Variants in KCNN2 observed in about 807,000 individuals in gnomAD.
KCNN2 encodes potassium calcium-activated channel subfamily N member 2.
Under a neutral mutation model 55.5 loss-of-function variants are expected in KCNN2, and 24 were observed. The ratio of observed to expected loss-of-function variants is 0.43; its 90% CI spans 0.31 to 0.61. The LOEUF is 0.61. Among genes scored for constraint, KCNN2 ranks in the 20% least tolerant of loss-of-function variants. The pLI is 0.08. For missense variants in KCNN2, 754 were observed against 853.6 expected, an observed-to-expected ratio of 0.88 and a Z score of 1.45; for synonymous variants, 431 against 336.1, an observed-to-expected ratio of 1.28 and a Z score of -3.09.
intron 2 of KCNN2, among the ~76,000 whole-genome samples, chr5:114,225,730 G>T (rs555135668): frequency 1.2e-3 from 187 of 152,208 alleles, no homozygotes; most frequent in African/African-American, 4.3e-3. Flanking sequence ...ACCAAAAAGA[G>T]ATTCTAAAAG....
intron 1 of KCNN2, among the ~76,000 whole-genome samples, chr5:114,111,099 CA>C (rs1030255534): frequency 2.0e-5 from 3 of 152,070 alleles, no homozygotes; most frequent in African/African-American, 4.8e-5. Flanking sequence ...GCTCTAGTAA[CA>C]AAAACAGCAT....
chr5:114,221,960 C>G (rs1428615590), intron 2 of KCNN2, among the ~76,000 whole-genome samples: 3 of 152,088 alleles, frequency 2.0e-5, no homozygotes, highest in African/African-American at 7.2e-5. Context: ...ACCCTGTTTT[C>G]TCATTGAAAC....
chr5:114,430,207 C>T (rs576932264), intron 3 of KCNN2, among the ~76,000 whole-genome samples: 1 of 152,058 alleles, frequency 6.6e-6, no homozygotes, highest in Non-Finnish European at 1.5e-5. Flanking sequence ...ATCTTTAGAT[C>T]AAGTTAGAAG....
intron 4 of KCNN2, among the ~76,000 whole-genome samples, chr5:114,465,535 G>A (rs943157593): frequency 2.0e-5 from 3 of 151,764 alleles, no homozygotes; most frequent in Non-Finnish European, 2.9e-5. Flanking sequence ...TCTCTTGAAC[G>A]TGGGAGGCGG....
chr5:114,078,634 C>T (rs1490678755), intron 1 of KCNN2, among the ~76,000 whole-genome samples: 2 of 152,172 alleles, frequency 1.3e-5, no homozygotes, highest in African/African-American at 4.8e-5. Flanking sequence ...TGAGTTGTTA[C>T]AGCTGCTAAA....
intron 1 of KCNN2, among the ~76,000 whole-genome samples, chr5:114,167,239 C>A (rs4582265): frequency 6.6e-6 from 1 of 151,730 alleles, no homozygotes; most frequent in Admixed American, 6.6e-5. Context: ...ATAAGCCATC[C>A]CTGGTGTGCC....
chr5:114,422,286 A>G (rs575658141), intron 3 of KCNN2, among the ~76,000 whole-genome samples: 1 of 152,254 alleles, frequency 6.6e-6, no homozygotes, highest in South Asian at 2.1e-4. Context: ...GGTCTTTCAT[A>G]GATGATTGGG....
intron 2 of KCNN2, among the ~76,000 whole-genome samples, chr5:114,222,653 C>T (rs907221144): frequency 3.3e-5 from 5 of 151,994 alleles, no homozygotes; most frequent in Admixed American, 6.6e-5. Context: ...ACAATTTCAG[C>T]GCAGGGAATC....
intron 2 of KCNN2, among the ~76,000 whole-genome samples, chr5:114,342,918 T>G (rs1757041722): frequency 6.6e-6 from 1 of 152,192 alleles, no homozygotes; most frequent in Admixed American, 6.5e-5. Context: ...GGTAAACGCA[T>G]GCCATGGTGG....
At chr5:114,270,635 T>C (rs1005253891) in intron 2 of KCNN2, among the ~76,000 whole-genome samples, 1 of 152,154 alleles carries the variant, frequency 6.6e-6, no homozygotes, top group Non-Finnish European at 1.5e-5. Context: ...TATTTTCCTG[T>C]TTCATATTTT....
chr5:114,272,594 T>A (rs1238703566), intron 2 of KCNN2, among the ~76,000 whole-genome samples: 1 of 152,174 alleles, frequency 6.6e-6, no homozygotes, highest in African/African-American at 2.4e-5. Context: ...CTTTTTTCAT[T>A]TGATAAATTC....
At chr5:114,339,994 T>C (rs1289555100) in intron 2 of KCNN2, among the ~76,000 whole-genome samples, 4 of 152,098 alleles carry the variant, frequency 2.6e-5, no homozygotes, top group African/African-American at 9.7e-5. Context: ...AGCAGAACTT[T>C]AGCTTGGAAA....
At chr5:114,413,308 G>C (rs993241041) in intron 3 of KCNN2, among the ~76,000 whole-genome samples, 3 of 152,016 alleles carry the variant, frequency 2.0e-5, no homozygotes, top group East Asian at 1.9e-4. Flanking sequence ...TTTTGAGTTG[G>C]AGTCTTGCTC....
At chr5:114,470,894 T>C (rs528591695) in intron 4 of KCNN2, among the ~76,000 whole-genome samples, 1 of 152,310 alleles carries the variant, frequency 6.6e-6, no homozygotes, top group Admixed American at 6.5e-5. Flanking sequence ...TCCCTGGAGA[T>C]GAAGATTTGC....
At chr5:114,173,596 A>T (rs185930890) in intron 1 of KCNN2, among the ~76,000 whole-genome samples, 1 of 151,854 alleles carries the variant, frequency 6.6e-6, no homozygotes, top group Admixed American at 6.6e-5. Context: ...GGAGCATTTT[A>T]ACAATATTGA....
intron 1 of KCNN2, among the ~76,000 whole-genome samples, chr5:114,214,995 G>A (rs1753972733): frequency 6.6e-6 from 1 of 152,140 alleles, no homozygotes; most frequent in Non-Finnish European, 1.5e-5. Flanking sequence ...TTGGAACCAA[G>A]ATCAGAGGAA....
At chr5:114,209,134 G>A (rs1263641204) in intron 1 of KCNN2, among the ~76,000 whole-genome samples, 1 of 151,134 alleles carries the variant, frequency 6.6e-6, no homozygotes, top group African/African-American at 2.4e-5. Flanking sequence ...CTGGCTCACT[G>A]CAGCCTCACA....
intron 1 of KCNN2, among the ~76,000 whole-genome samples, chr5:114,101,596 C>A (rs533302257): frequency 2.0e-5 from 3 of 151,936 alleles, no homozygotes; most frequent in Non-Finnish European, 4.4e-5. Flanking sequence ...ACCCCCACCC[C>A]CTAACAGGTC....
chr5:114,401,518 A>G (rs1329061441), intron 2 of KCNN2, among the ~76,000 whole-genome samples: 3 of 152,206 alleles, frequency 2.0e-5, no homozygotes, highest in Admixed American at 2.0e-4. Context: ...CACTAGGTAG[A>G]CACGGAGTCT....
Sources: allele counts gnomAD v4.1 joint callset (sites outside exome capture counted in the v4.1 genomes callset), GRCh38; gene constraint gnomAD v4.1.1; transcripts MANE v1.5; gene names NCBI Gene and HGNC (gene_info 2026-07-23, HGNC 2026-07-21).